The following PTPRT variants were observed in gnomAD, a reference collection of about 807,000 sequenced individuals.
PTPRT encodes the protein protein tyrosine phosphatase receptor type T, also known as receptor-type tyrosine-protein phosphatase T.
In PTPRT, 56 loss-of-function variants were observed where a neutral mutation model predicts 176.8. That is an observed-to-expected ratio of 0.32 (90% CI 0.26 to 0.40). The LOEUF (loss-of-function observed/expected upper bound fraction) is 0.40. Among genes scored for constraint, PTPRT ranks in the 10% least tolerant of loss-of-function variants. The pLI is 1.00. For synonymous variants in PTPRT, 783 were observed against 739.0 expected (o/e 1.06, Z -0.96); for missense variants, 1,540 against 1,908.2 (o/e 0.81, Z 3.60).
intron 2 of PTPRT, among the ~76,000 whole-genome samples, chr20:42,834,925 A>G (rs933268153): frequency 6.6e-6 from 1 of 152,252 alleles, no homozygotes; most frequent in African/African-American, 2.4e-5. Flanking sequence ...AAATGTAAGG[A>G]TAACATAAAA....
At chr20:42,129,686 GC>G (rs1030681295) in intron 18 of PTPRT, among the ~76,000 whole-genome samples, 85 of 152,278 alleles carry the variant, frequency 5.6e-4, no homozygotes, top group African/African-American at 1.9e-3. Flanking sequence ...TTCCTCTAGG[GC>G]AGGAATGGGT....
chr20:42,651,077 G>A (rs893705384), intron 7 of PTPRT, among the ~76,000 whole-genome samples: 2 of 152,004 alleles, frequency 1.3e-5, no homozygotes, highest in African/African-American at 4.8e-5. Flanking sequence ...GTAATTAAAT[G>A]GCTCTTATAT....
intron 7 of PTPRT, among the ~76,000 whole-genome samples, chr20:42,523,674 T>TAG (rs1452147717): frequency 2.6e-5 from 4 of 152,214 alleles, no homozygotes; most frequent in African/African-American, 4.8e-5. Context: ...CGTAGACATA[T>TAG]ATTGTAGTTA....
intron 7 of PTPRT, among the ~76,000 whole-genome samples, chr20:42,486,548 G>T (rs953182180): frequency 2.0e-5 from 3 of 152,080 alleles, no homozygotes; most frequent in Middle Eastern, 3.2e-3. Context: ...TTCTTGTAGG[G>T]TTTAAATAAA....
chr20:42,812,339 CT>C (rs1024280631), intron 2 of PTPRT, among the ~76,000 whole-genome samples: 1 of 152,084 alleles, frequency 6.6e-6, no homozygotes, highest in African/African-American at 2.4e-5. Context: ...ATTTCTAAAA[CT>C]TTTTCATCAC....
intron 1 of PTPRT, among the ~76,000 whole-genome samples, chr20:43,052,072 T>A (rs1170379137): frequency 1.3e-5 from 2 of 152,190 alleles, no homozygotes; most frequent in African/African-American, 2.4e-5. Flanking sequence ...TAATAAAAGA[T>A]GAGTTGGACA....
chr20:42,289,948 T>C (rs2057292329), intron 12 of PTPRT, among the ~76,000 whole-genome samples: 1 of 152,058 alleles, frequency 6.6e-6, no homozygotes, highest in Admixed American at 6.6e-5. Context: ...CCATAACCAA[T>C]TTGTCTCTGT....
At chr20:42,660,419 G>T (rs2075202583) in intron 7 of PTPRT, among the ~76,000 whole-genome samples, 1 of 152,022 alleles carries the variant, frequency 6.6e-6, no homozygotes, top group Non-Finnish European at 1.5e-5. Context: ...TGGAATAATA[G>T]GTTAAATACT....
intron 7 of PTPRT, among the ~76,000 whole-genome samples, chr20:42,611,587 A>G (rs1392772627): frequency 6.6e-6 from 1 of 152,122 alleles, no homozygotes; most frequent in African/African-American, 2.4e-5. Flanking sequence ...CCGTCACGCC[A>G]CCTGCATAGC....
At chr20:42,463,340 G>A (rs2145897724) in intron 8 of PTPRT, among the ~76,000 whole-genome samples, 1 of 151,514 alleles carries the variant, frequency 6.6e-6, no homozygotes, top group Admixed American at 6.6e-5. Flanking sequence ...CTATTTAACA[G>A]CATGGAACTT....
rs115115747 is a variant in PTPRT at position 42,756,571 on chromosome 20, G to A, written c.750C>T (p.Ala250=). The change falls in exon 6 of 31, where the codon GCC becomes GCT. Residue 250 remains alanine (A), a synonymous_variant. Coordinates refer to ENST00000373187, the MANE Select transcript of PTPRT (RefSeq NM_007050.6). ...TRVVNHRRFS[A]TVSVADTAQR... is the part of the protein sequence containing the mutation. ...GGGCAGTGTCTGCCACACTGACTGTGGCTGAGAAGCGCCTGTGGTTGACCA... is the reference window on the plus strand; with the variant it reads ...GGGCAGTGTCTGCCACACTGACTGTAGCTGAGAAGCGCCTGTGGTTGACCA... 3.4e-3 allele frequency: 5,564 copies of A among 1,612,828 alleles called. 176 individuals carry two copies. In the African/African-American group the frequency reaches 0.067, roughly 19 times the overall value.
At chr20:42,695,636 T>C (rs1332602558) in intron 6 of PTPRT, among the ~76,000 whole-genome samples, 1 of 152,208 alleles carries the variant, frequency 6.6e-6, no homozygotes, top group Non-Finnish European at 1.5e-5. Flanking sequence ...CTGGGAAGCA[T>C]GTATCCAACA....
chr20:42,362,833 C>T (rs763135793), intron 9 of PTPRT, among the ~76,000 whole-genome samples: 34 of 152,080 alleles, frequency 2.2e-4, no homozygotes, highest in Middle Eastern at 3.4e-3. Flanking sequence ...GAGCCAGGCG[C>T]GGTGGCTCAC....
intron 8 of PTPRT, among the ~76,000 whole-genome samples, chr20:42,451,808 G>A (rs1397656931): frequency 6.6e-6 from 1 of 152,166 alleles, no homozygotes. Flanking sequence ...GGCATCACAA[G>A]CCATCCTGAA....
intron 6 of PTPRT, among the ~76,000 whole-genome samples, chr20:42,685,211 G>GA (rs1193491559): frequency 6.6e-6 from 1 of 152,184 alleles, no homozygotes. Context: ...AAAGCCAGCA[G>GA]AAAAAATGCT....
intron 7 of PTPRT, among the ~76,000 whole-genome samples, chr20:42,586,417 C>T (rs2073471912): frequency 6.6e-6 from 1 of 152,156 alleles, no homozygotes; most frequent in Admixed American, 6.5e-5. Flanking sequence ...TGGTCAGGTT[C>T]ACAAAGTACA....
intron 6 of PTPRT, among the ~76,000 whole-genome samples, chr20:42,753,621 G>C (rs541783598): frequency 1.3e-5 from 2 of 152,278 alleles, no homozygotes; most frequent in East Asian, 3.9e-4. Flanking sequence ...AGTGGCTTCA[G>C]AGCAGTGGTA....
chr20:42,329,623 C>G (rs1229695474), intron 11 of PTPRT, among the ~76,000 whole-genome samples: 1 of 151,856 alleles, frequency 6.6e-6, no homozygotes, highest in Non-Finnish European at 1.5e-5. Flanking sequence ...TAAATACTCC[C>G]CAAACATCAT....
intron 12 of PTPRT, among the ~76,000 whole-genome samples, chr20:42,291,535 A>C (rs1295836596): frequency 6.6e-6 from 1 of 152,176 alleles, no homozygotes; most frequent in African/African-American, 2.4e-5. Context: ...AAAGTAAGTG[A>C]GAAGTGCCAG....
Sources: gnomAD v4.1 joint callset for allele counts (sites outside exome capture counted in the v4.1 genomes callset) on GRCh38, gnomAD v4.1.1 for gene constraint, MANE v1.5 for transcripts, NCBI Gene and HGNC (gene_info 2026-07-23, HGNC 2026-07-21) for gene names.